Variants in RAD52 observed in about 807,000 individuals in gnomAD.
RAD52 encodes the protein RAD52 DNA repair protein.
A neutral mutation model predicts 55.5 loss-of-function variants in RAD52; 47 were observed. That is an observed-to-expected ratio of 0.85 (90% CI 0.67 to 1.08). RAD52 has a LOEUF of 1.08. Ranked by LOEUF, RAD52 falls within the 50% of genes least tolerant of loss-of-function variation. RAD52 has a pLI of 0.00. For synonymous variants in RAD52, 184 were observed against 198.9 expected, an observed-to-expected ratio of 0.92 and a Z score of 0.63; for missense variants, 468 against 522.8, an observed-to-expected ratio of 0.90 and a Z score of 1.02.
intron 1 of RAD52, among the ~76,000 whole-genome samples, chr12:979,470 C>T (rs1216289733): frequency 1.3e-5 from 2 of 151,840 alleles, no homozygotes; most frequent in Admixed American, 6.6e-5. Context: ...TAATTGAGGA[C>T]GTAAGAATGG....
chr12:967,316 T>A (rs1592481338), intron 1 of RAD52, among the ~76,000 whole-genome samples: 1 of 150,490 alleles, frequency 6.6e-6, no homozygotes. Flanking sequence ...GAGACGGAGG[T>A]TGTAGTGAGC....
chr12:969,011 G>A (rs1001658512), intron 1 of RAD52, among the ~76,000 whole-genome samples: 17 of 152,212 alleles, frequency 1.1e-4, no homozygotes, highest in Admixed American at 7.2e-4. Flanking sequence ...ATGGATGGCT[G>A]CATCTGTACT....
At chr12:953,259 G>A (rs996280442), upstream of RAD52, among the ~76,000 whole-genome samples, 2 of 151,518 alleles carry the variant, frequency 1.3e-5, no homozygotes, top group African/African-American at 4.9e-5. Context: ...AGCCAAGATT[G>A]TGCCATTGCA....
At chr12:950,637 T>G (rs1958504910), upstream of RAD52, among the ~76,000 whole-genome samples, 1 of 150,944 alleles carries the variant, frequency 6.6e-6, no homozygotes, top group Non-Finnish European at 1.5e-5. Flanking sequence ...GGTCTTGAAC[T>G]CCTCGCCTCA....
intron 11 of RAD52, 128 bp from the exon 12 acceptor site, chr12:913,580 G>A (rs1300631979): frequency 2.4e-6 from 2 of 839,374 alleles, no homozygotes; most frequent in African/African-American, 1.7e-5. Flanking sequence ...ACTGTTAGGA[G>A]GAAGGCAGAT....
chr12:942,950 A>C (rs948843001), intron 1 of RAD52, among the ~76,000 whole-genome samples: 7 of 152,204 alleles, frequency 4.6e-5, no homozygotes, highest in Non-Finnish European at 1.0e-4. Flanking sequence ...GGTAACCAGG[A>C]TATAAAGGTT....
In RAD52 at chr12:934,119, C is replaced by CA. The variant is rs777525699; in HGVS notation, c.-18-1044dup. Among the ~76,000 whole-genome samples the CA allele has an allele frequency of 8.5e-3, 1,134 of 133,112 alleles. 4 individuals are homozygous for CA. The highest frequency in any genetic ancestry group is 0.012 in the Non-Finnish European group (748 of 61,004). 87.3% of individuals were successfully genotyped at this position (133,112 alleles called of 152,430 possible). Reference sequence around the variant, plus strand: ...ACTCTGTCTCAAAAAAAAAAAAAAACAAAAAAAAAGGCAGGCACACAACAC... The same window carrying CA: ...ACTCTGTCTCAAAAAAAAAAAAAAACAAAAAAAAAAGGCAGGCACACAACAC... On this transcript the variant is annotated intron_variant, in intron 1 of 11. Transcript: ENST00000358495.
At chr12:960,826 A>C (rs189476873) in intron 1 of RAD52, among the ~76,000 whole-genome samples, 30 of 152,282 alleles carry the variant, frequency 2.0e-4, no homozygotes, top group Admixed American at 1.6e-3. Flanking sequence ...GAAAATGTCA[A>C]CTTAATATGT....
chr12:949,587 T>A lies in RAD52; in HGVS notation c.-19+15A>T, dbSNP rs1438475878. The A allele has an allele frequency of 6.8e-6, 1 of 148,104 alleles. No individual in the cohort carries two copies. The highest frequency in any genetic ancestry group is 2.6e-5 in the African/African-American group (1 of 38,898). 9.2% of individuals were successfully genotyped at this position (148,104 alleles called of 1,614,324 possible). ...AGAACCACCCCGGGGGAAGCCGCTC[T>A]CCTCCCCCACTTACGCGCCTCGGGC... On this transcript the variant is annotated intron_variant, in intron 1 of 11. Transcript: ENST00000358495.
Position 926,807 on chromosome 12 carries a change from G to C in RAD52, c.467+338C>G. 3.3e-6 allele frequency: 5 copies of C among 1,536,722 alleles called. No homozygotes were observed. In the East Asian group the frequency reaches 1.2e-4, roughly 38 times the overall value. On this transcript the variant is annotated intron_variant, in intron 6 of 11. Coordinates refer to ENST00000358495, the MANE Select transcript of RAD52 (RefSeq NM_134424.4). ...GTTAACTATGCTACCTGTGCGTAGCGGAGGACTGCTGAGGAGCACGGAGAG... is the reference window on the plus strand; with the variant it reads ...GTTAACTATGCTACCTGTGCGTAGCCGAGGACTGCTGAGGAGCACGGAGAG...
intron 1 of RAD52, chr12:976,696 A>G (rs1164882228): frequency 2.0e-5 from 3 of 152,336 alleles, no homozygotes; most frequent in East Asian, 3.9e-4. Context: ...AGTTGCCCAG[A>G]TGAGACAGGC....
chr12:953,969 A>G (rs1023854068), upstream of RAD52, among the ~76,000 whole-genome samples: 10 of 152,210 alleles, frequency 6.6e-5, no homozygotes, highest in Non-Finnish European at 1.2e-4. Context: ...CCGCCCTTGC[A>G]TGAGGGTTCC....
chr12:948,824 C>A (rs966018537), intron 1 of RAD52, among the ~76,000 whole-genome samples: 2 of 151,758 alleles, frequency 1.3e-5, no homozygotes, highest in Non-Finnish European at 2.9e-5. Context: ...CTCCGCCTCC[C>A]GAGTAGCGGG....
intron 1 of RAD52, among the ~76,000 whole-genome samples, chr12:985,494 T>C (rs769606334): frequency 3.9e-5 from 6 of 152,176 alleles, no homozygotes; most frequent in Non-Finnish European, 7.3e-5. Context: ...GCTAAGAAAC[T>C]ATTGCCTAAT....
intron 1 of RAD52, among the ~76,000 whole-genome samples, chr12:936,485 TAAAAA>T (rs71055107): frequency 7.4e-6 from 1 of 134,390 alleles, no homozygotes; most frequent in Non-Finnish European, 1.6e-5. Flanking sequence ...ATTATAAAAG[TAAAAA>T]AAAAAAAAAA....
In RAD52 at chr12:960,994, G is replaced by A. The variant is rs149816470; in HGVS notation, c.-18-27918C>T. Among the ~76,000 whole-genome samples, 148 of 152,080 alleles carry A rather than the reference G, an allele frequency of 9.7e-4. 2 individuals carry two copies. Among genetic ancestry groups the A allele is most frequent in the Admixed American group, 8.3e-3 (127 of 15,250 alleles). On this transcript the variant is annotated intron_variant, in intron 1 of 11. Transcript: ENST00000430095. ...GTCCTGAGCACTCCAACACATAGAGGCAAGACAGAGAAGAAATAAGCAAAG... is the reference window on the plus strand; with the variant it reads ...GTCCTGAGCACTCCAACACATAGAGACAAGACAGAGAAGAAATAAGCAAAG...
intron 9 of RAD52, 69 bp downstream of exon 9, chr12:916,275 C>A: frequency 6.3e-7 from 1 of 1,579,522 alleles, no homozygotes; most frequent in South Asian, 1.1e-5. Context: ...CGCAGAGAAT[C>A]AGAAGACCCT....
intron 5 of RAD52, 138 bp from the exon 6 acceptor site, chr12:927,401 G>A (rs1468136818): frequency 5.8e-6 from 4 of 695,160 alleles, no homozygotes; most frequent in Admixed American, 4.3e-5. Context: ...GCAGAAGGCT[G>A]GGTGAGAATC....
At chr12:939,400 C>T (rs1481873824) in intron 1 of RAD52, among the ~76,000 whole-genome samples, 1 of 152,014 alleles carries the variant, frequency 6.6e-6, no homozygotes, top group Non-Finnish European at 1.5e-5. Context: ...ATCTTCCTGC[C>T]CAGCCTCCCA....
Sources: allele counts gnomAD v4.1 joint callset (sites outside exome capture counted in the v4.1 genomes callset), GRCh38; gene constraint gnomAD v4.1.1; transcripts MANE v1.5; gene names NCBI Gene and HGNC (gene_info 2026-07-23, HGNC 2026-07-21).